NRXN3: variants seen among roughly 807,000 people sequenced by gnomAD.
NRXN3 encodes neurexin 3, also known as neurexin III.
Under a neutral mutation model 137.6 loss-of-function variants are expected in NRXN3, and 32 were observed. That is an observed-to-expected ratio of 0.23 (90% CI 0.18 to 0.31). The LOEUF (loss-of-function observed/expected upper bound fraction) is 0.31. Ranked by LOEUF, NRXN3 falls within the 10% of genes least tolerant of loss-of-function variation. The pLI is 1.00. For missense variants in NRXN3, 1,574 were observed against 2,062.5 expected, an observed-to-expected ratio of 0.76 and a Z score of 4.59; for synonymous variants, 798 against 784.5, an observed-to-expected ratio of 1.02 and a Z score of -0.29.
chr14:79,790,058 C>A (rs1297498181), intron 19 of NRXN3, among the ~76,000 whole-genome samples: 1 of 152,082 alleles, frequency 6.6e-6, no homozygotes, highest in Non-Finnish European at 1.5e-5. Flanking sequence ...GCTCATGTTT[C>A]CAAGATATTT....
chr14:78,777,458 G>A (rs1490807437), intron 8 of NRXN3, among the ~76,000 whole-genome samples: 1 of 152,072 alleles, frequency 6.6e-6, no homozygotes, highest in Non-Finnish European at 1.5e-5. Context: ...ATCTATCAGA[G>A]AGTTTGATCC....
chr14:78,914,196 G>A (rs538247223), intron 10 of NRXN3, among the ~76,000 whole-genome samples: 75 of 152,302 alleles, frequency 4.9e-4, no homozygotes, highest in African/African-American at 1.7e-3. Flanking sequence ...GCATGGATTG[G>A]TGAGGGAAAT....
chr14:78,894,199 A>T (rs1293969935), intron 10 of NRXN3, among the ~76,000 whole-genome samples: 1 of 151,980 alleles, frequency 6.6e-6, no homozygotes, highest in Non-Finnish European at 1.5e-5. Flanking sequence ...GTAGCATACG[A>T]TGCTGTTTGA....
At chr14:78,875,672 T>G (rs1214515812) in intron 10 of NRXN3, among the ~76,000 whole-genome samples, 1 of 152,260 alleles carries the variant, frequency 6.6e-6, no homozygotes, top group Non-Finnish European at 1.5e-5. Context: ...TTTTAAAATG[T>G]GTTTTATTTT....
At chr14:78,801,178 G>A (rs184763097) in intron 8 of NRXN3, among the ~76,000 whole-genome samples, 9 of 152,042 alleles carry the variant, frequency 5.9e-5, no homozygotes, top group South Asian at 2.1e-4. Flanking sequence ...AAAATTAGCC[G>A]CACATGGTGG....
At chr14:79,274,233 C>G (rs1051839145) in intron 15 of NRXN3, among the ~76,000 whole-genome samples, 6 of 152,152 alleles carry the variant, frequency 3.9e-5, no homozygotes, top group Admixed American at 2.6e-4. Flanking sequence ...CTCAAAGTGT[C>G]TTGCAGGGAG....
intron 19 of NRXN3, among the ~76,000 whole-genome samples, chr14:79,769,714 A>G (rs2099070138): frequency 2.0e-5 from 3 of 152,178 alleles, no homozygotes; most frequent in Admixed American, 2.0e-4. Flanking sequence ...AACTGCATCA[A>G]CTAACGAGCA....
At chr14:78,324,560 G>A (rs948906035) in intron 4 of NRXN3, among the ~76,000 whole-genome samples, 5 of 152,182 alleles carry the variant, frequency 3.3e-5, no homozygotes, top group East Asian at 1.9e-4. Context: ...AAGAGATTAC[G>A]CAATGTGGGA....
At chr14:78,894,135 C>A (rs2152714561) in intron 10 of NRXN3, among the ~76,000 whole-genome samples, 2 of 151,976 alleles carry the variant, frequency 1.3e-5, no homozygotes, top group South Asian at 4.1e-4. Flanking sequence ...TAAAATAAGA[C>A]AACAATGAAG....
At chr14:78,229,386 C>T (rs573347188) in intron 1 of NRXN3, among the ~76,000 whole-genome samples, 13 of 152,140 alleles carry the variant, frequency 8.5e-5, no homozygotes, top group African/African-American at 1.4e-4. Flanking sequence ...GTGCCACTTC[C>T]GCCACCGTCC....
chr14:79,541,228 C>T (rs961800604), intron 16 of NRXN3, among the ~76,000 whole-genome samples: 12 of 152,120 alleles, frequency 7.9e-5, no homozygotes, highest in Non-Finnish European at 1.5e-4. Context: ...TGTGGTGAAA[C>T]CCTGTCTCTA....
At chr14:78,755,094 A>G (rs2098661769) in intron 8 of NRXN3, among the ~76,000 whole-genome samples, 1 of 151,978 alleles carries the variant, frequency 6.6e-6, no homozygotes, top group South Asian at 2.1e-4. Context: ...TGGCACGATC[A>G]TAGCTCACTG....
chr14:78,893,044 C>T (rs1034349670), intron 10 of NRXN3, among the ~76,000 whole-genome samples: 1 of 151,828 alleles, frequency 6.6e-6, no homozygotes, highest in African/African-American at 2.4e-5. Context: ...ATAATTCTGT[C>T]CCTACCCCTG....
intron 4 of NRXN3, among the ~76,000 whole-genome samples, chr14:78,367,038 T>C (rs539914667): frequency 1.3e-5 from 2 of 152,296 alleles, no homozygotes; most frequent in South Asian, 2.1e-4. Flanking sequence ...ATCAATCCAA[T>C]AGACTCATTG....
chr14:79,584,984 A>G (rs1040901574), intron 16 of NRXN3, among the ~76,000 whole-genome samples: 2 of 152,348 alleles, frequency 1.3e-5, no homozygotes, highest in Non-Finnish European at 2.9e-5. Flanking sequence ...GAGAATAAAA[A>G]CAAGCACAGC....
At chr14:78,325,309 C>G (rs1375584256) in intron 4 of NRXN3, among the ~76,000 whole-genome samples, 1 of 151,828 alleles carries the variant, frequency 6.6e-6, no homozygotes, top group Non-Finnish European at 1.5e-5. Flanking sequence ...ATAGGACTAT[C>G]CCTTCCTCTC....
At chr14:79,622,448 T>C (rs1339357261) in intron 16 of NRXN3, among the ~76,000 whole-genome samples, 1 of 152,178 alleles carries the variant, frequency 6.6e-6, no homozygotes, top group African/African-American at 2.4e-5. Flanking sequence ...TTTTCATTCA[T>C]GGAACGTAGA....
In NRXN3 at chr14:79,719,402, G is replaced by GTATATATATGTGTGTATATA. The variant is rs5741998; in HGVS notation, c.4014+21474_4014+21475insGTGTGTATATATATATATAT. Reference sequence around the variant, plus strand: ...TATATGTGTGTGTATATATATGTGTGTATATATATATATATATACCTTTCC... The same window carrying GTATATATATGTGTGTATATA: ...TATATGTGTGTGTATATATATGTGTGTATATATATGTGTGTATATATATATATATATATATATACCTTTCC... On this transcript the variant is annotated intron_variant, in intron 19 of 20. Coordinates refer to ENST00000335750, the MANE Select transcript of NRXN3 (RefSeq NM_001330195.2). Among the ~76,000 whole-genome samples, 360 of 142,296 alleles carry GTATATATATGTGTGTATATA rather than the reference G, an allele frequency of 2.5e-3. 2 individuals carry two copies. Among genetic ancestry groups the GTATATATATGTGTGTATATA allele is most frequent in the South Asian group, 0.011 (47 of 4,330 alleles). 93.4% of individuals were successfully genotyped at this position (142,296 alleles called of 152,430 possible). A position where few individuals can be genotyped will look rare whatever the true frequency, so the allele number is the denominator to read the frequency against.
chr14:78,740,507 C>A (rs1388664317), intron 8 of NRXN3, among the ~76,000 whole-genome samples: 1 of 151,020 alleles, frequency 6.6e-6, no homozygotes, highest in African/African-American at 2.4e-5. Context: ...TATAGTAGAG[C>A]ACTTTAATTT....
Sources: allele counts gnomAD v4.1 joint callset (sites outside exome capture counted in the v4.1 genomes callset), GRCh38; gene constraint gnomAD v4.1.1; transcripts MANE v1.5; gene names NCBI Gene and HGNC (gene_info 2026-07-23, HGNC 2026-07-21).